FOXP1: variants seen among roughly 807,000 people sequenced by gnomAD.
FOXP1 encodes the protein forkhead box P1.
FOXP1 carries 15 observed loss-of-function variants against 98.2 expected under a neutral mutation model. The observed-to-expected ratio is 0.15, with a 90% confidence interval of 0.10 to 0.24. FOXP1 has a LOEUF of 0.24. Ranked by LOEUF, FOXP1 falls within the 10% of genes least tolerant of loss-of-function variation. The pLI, the probability that FOXP1 is intolerant of heterozygous loss-of-function variation, is 1.00. For missense variants in FOXP1, 633 were observed against 848.5 expected (o/e 0.75, Z 3.15); for synonymous variants, 371 against 314.5 (o/e 1.18, Z -1.90).
At chr3:71,191,238 T>C (rs528111665) in intron 6 of FOXP1, among the ~76,000 whole-genome samples, 15 of 152,358 alleles carry the variant, frequency 9.8e-5, no homozygotes, top group African/African-American at 3.1e-4. Context: ...CTGCCAGTTC[T>C]GCAAAAACAA....
chr3:71,423,292 C>T (rs1209028537), intron 3 of FOXP1, among the ~76,000 whole-genome samples: 1 of 152,176 alleles, frequency 6.6e-6, no homozygotes, highest in African/African-American at 2.4e-5. Context: ...AAGCGCATCG[C>T]AGAGCAAGAC....
chr3:71,278,235 C>T (rs897128212), intron 5 of FOXP1, among the ~76,000 whole-genome samples: 3 of 152,160 alleles, frequency 2.0e-5, no homozygotes, highest in Non-Finnish European at 2.9e-5. Flanking sequence ...TAGCTACTGT[C>T]ATCAATAGCT....
At chr3:71,066,326 A>G (rs1244540739) in intron 7 of FOXP1, among the ~76,000 whole-genome samples, 1 of 152,200 alleles carries the variant, frequency 6.6e-6, no homozygotes, top group East Asian at 1.9e-4. Flanking sequence ...CCATCAAAGT[A>G]TGATCAGATG....
At chr3:71,017,198 G>T (rs764426812) in intron 11 of FOXP1, among the ~76,000 whole-genome samples, 2 of 151,986 alleles carry the variant, frequency 1.3e-5, no homozygotes, top group Non-Finnish European at 2.9e-5. Flanking sequence ...CTCAAGGAAA[G>T]AATTACTACC....
At chr3:71,582,499 G>A (rs1413936009) in intron 1 of FOXP1, 1 of 985,336 alleles carries the variant, frequency 1.0e-6, no homozygotes, top group African/African-American at 1.7e-5. Context: ...GCGCGCAAGC[G>A]AGGGACGGAG....
chr3:71,384,725 C>T (rs572016800), intron 3 of FOXP1, among the ~76,000 whole-genome samples: 5 of 152,328 alleles, frequency 3.3e-5, no homozygotes, highest in African/African-American at 4.8e-5. Flanking sequence ...TTTCATATCA[C>T]TGGCAGTCTG....
At chr3:71,167,779 C>A (rs116383440) in intron 6 of FOXP1, among the ~76,000 whole-genome samples, 1 of 152,160 alleles carries the variant, frequency 6.6e-6, no homozygotes, top group Non-Finnish European at 1.5e-5. Flanking sequence ...GAGCCTCTGG[C>A]GGTCCATGGG....
Position 71,416,223 on chromosome 3 carries a change from A to G in FOXP1, c.-167-56979T>C, listed in dbSNP as rs1405859015. Among the ~76,000 whole-genome samples the G allele has an allele frequency of 5.9e-5, 9 of 152,074 alleles. No individual in the cohort carries two copies. In the East Asian group the frequency reaches 1.7e-3, roughly 29 times the overall value. ...AAAGCAAGTTATATGGGTCCAGGAGAAAATATAAGGGAGGCATTAGGATGG... is the reference window on the plus strand; with the variant it reads ...AAAGCAAGTTATATGGGTCCAGGAGGAAATATAAGGGAGGCATTAGGATGG... On this transcript the variant is annotated intron_variant, in intron 3 of 20. Coordinates refer to ENST00000649528, the MANE Select transcript of FOXP1 (RefSeq NM_001349338.3).
At chr3:71,241,513 T>A (rs577519796) in intron 5 of FOXP1, among the ~76,000 whole-genome samples, 1 of 152,288 alleles carries the variant, frequency 6.6e-6, no homozygotes, top group South Asian at 2.1e-4. Context: ...CTCAGCAAGA[T>A]AATGAATCCT....
intron 3 of FOXP1, among the ~76,000 whole-genome samples, chr3:71,401,329 A>C (rs1429486429): frequency 3.9e-5 from 6 of 152,196 alleles, no homozygotes; most frequent in African/African-American, 1.4e-4. Flanking sequence ...TGGATGACGG[A>C]TCAAGAGGAA....
chr3:71,041,982 TTAAA>T (rs1394855854), intron 10 of FOXP1, among the ~76,000 whole-genome samples: 2 of 152,234 alleles, frequency 1.3e-5, no homozygotes, highest in East Asian at 1.9e-4. Context: ...AGCTTTGTTA[TTAAA>T]TATAGTTTTT....
chr3:71,260,814 T>C (rs779594604), intron 5 of FOXP1, among the ~76,000 whole-genome samples: 3 of 152,092 alleles, frequency 2.0e-5, no homozygotes, highest in Non-Finnish European at 1.5e-5. Flanking sequence ...AGTGCTGGGA[T>C]TACAGGCATG....
intron 3 of FOXP1, among the ~76,000 whole-genome samples, chr3:71,430,208 G>C (rs1299906445): frequency 6.6e-6 from 1 of 152,100 alleles, no homozygotes; most frequent in Non-Finnish European, 1.5e-5. Context: ...AGCCTGACTC[G>C]AGGACTTTGC....
intron 19 of FOXP1, chr3:70,969,494 T>C (rs758185550): frequency 3.9e-5 from 6 of 152,212 alleles, no homozygotes; most frequent in African/African-American, 7.2e-5. Context: ...TCTGGGCCTG[T>C]AGGGTACAGA....
chr3:71,513,633 G>A (rs1026237206), intron 2 of FOXP1, among the ~76,000 whole-genome samples: 1 of 152,122 alleles, frequency 6.6e-6, no homozygotes, highest in African/African-American at 2.4e-5. Flanking sequence ...ATACAAAATG[G>A]GTCAGGGTGT....
chr3:70,961,319 C>T (rs1222291580), intron 20 of FOXP1, among the ~76,000 whole-genome samples: 3 of 152,074 alleles, frequency 2.0e-5, no homozygotes, highest in East Asian at 1.9e-4. Context: ...CAACCTCCAA[C>T]CCCCAGGCTC....
rs371025697 is a variant in FOXP1 at position 71,453,541 on chromosome 3, G to A, written c.-168+39885C>T. ...TCAACACAGGAGCAAACAATGTCTG[G>A]TACTGATGGACACATAAAACTCACT... is the stretch of plus-strand genomic sequence containing the variant. On this transcript the variant is annotated intron_variant, in intron 3 of 20. Transcript: ENST00000649528. Among the ~76,000 whole-genome samples the A allele has an allele frequency of 8.5e-5, 13 of 152,266 alleles. No homozygotes were observed. The East Asian group carries it at 1.2e-3, about 14-fold the overall frequency.
At chr3:71,184,427 G>A (rs2062522811) in intron 6 of FOXP1, among the ~76,000 whole-genome samples, 1 of 152,184 alleles carries the variant, frequency 6.6e-6, no homozygotes, top group African/African-American at 2.4e-5. Flanking sequence ...ATAGGGTTCT[G>A]TAGTTAGAAG....
At chr3:71,121,559 C>A (rs991536982) in intron 6 of FOXP1, among the ~76,000 whole-genome samples, 1 of 152,078 alleles carries the variant, frequency 6.6e-6, no homozygotes, top group Non-Finnish European at 1.5e-5. Context: ...TGGCTGGTTG[C>A]CCCTCTTGGA....
Sources: gnomAD v4.1 joint callset for allele counts (sites outside exome capture counted in the v4.1 genomes callset) on GRCh38, gnomAD v4.1.1 for gene constraint, MANE v1.5 for transcripts, NCBI Gene and HGNC (gene_info 2026-07-23, HGNC 2026-07-21) for gene names.